Variants in KNG1 observed in about 807,000 individuals in gnomAD.
KNG1 encodes the protein kininogen 1.
A neutral mutation model predicts 47.8 loss-of-function variants in KNG1; 23 were observed. The ratio of observed to expected loss-of-function variants is 0.48; its 90% CI spans 0.35 to 0.68. The LOEUF (loss-of-function observed/expected upper bound fraction) is 0.68, where lower values mean the gene tolerates loss of function less well. Among genes scored for constraint, KNG1 ranks in the 30% least tolerant of loss-of-function variants. KNG1 has a pLI of 0.01. For synonymous variants in KNG1, 277 were observed against 277.0 expected (o/e 1.00, Z 0.00); for missense variants, 762 against 790.2 (o/e 0.96, Z 0.43).
chr3:186,727,047 T>TGA (rs1553791754), intron 4 of KNG1, among the ~76,000 whole-genome samples, 190 bp from the exon 5 acceptor site: 6 of 151,770 alleles, frequency 4.0e-5, no homozygotes, highest in African/African-American at 1.2e-4. Flanking sequence ...TGTGTTTGTG[T>TGA]GAGAGATATG....
At chr3:186,721,282 GTCA>G (rs1720190082) in intron 2 of KNG1, 3 of 152,250 alleles carry the variant, frequency 2.0e-5, no homozygotes, top group Admixed American at 2.0e-4. Context: ...TCCCTTCTCA[GTCA>G]TCTCATCTGT....
intron 7 of KNG1, among the ~76,000 whole-genome samples, chr3:186,734,369 T>C (rs1720616725): frequency 1.3e-5 from 2 of 152,192 alleles, no homozygotes; most frequent in Middle Eastern, 3.2e-3. Flanking sequence ...TGCGGAGCTC[T>C]TGATATGGGG....
At chr3:186,732,904 A>G (rs1720575435) in intron 7 of KNG1, among the ~76,000 whole-genome samples, 1 of 152,192 alleles carries the variant, frequency 6.6e-6, no homozygotes, top group African/African-American at 2.4e-5. Flanking sequence ...GTGAGGATCA[A>G]ATAAGTTAAT....
At position 186,739,364 on chromosome 3, in the gene KNG1, C is replaced by A. The variant is rs372500120; in HGVS notation, c.1075C>A (p.Pro359Thr). 11 of 1,613,762 alleles carry A rather than the reference C, an allele frequency of 6.8e-6. No homozygotes were observed. In the Admixed American group the frequency reaches 8.3e-5, roughly 12 times the overall value. Residue 359 changes from proline (P) to threonine (T), a missense_variant, in exon 9 of 10, where the codon CCC becomes ACC. Coordinates refer to ENST00000644859, the MANE Select transcript of KNG1 (RefSeq NM_001102416.3). ...LDCNAEVYVV[P>T]WEKKIYPTVN... ...TTGCAACGCTGAAGTTTATGTGGTA[C>A]CCTGGGAGAAAAAAATTTACCCTAC...
At chr3:186,727,036 GTGTGTT>G (rs1446793074) in intron 4 of KNG1, among the ~76,000 whole-genome samples, 195 bp from the exon 5 acceptor site, 3 of 151,472 alleles carry the variant, frequency 2.0e-5, no homozygotes, top group Admixed American at 6.6e-5. Context: ...GTGTGTGTGT[GTGTGTT>G]TGTGTGAGAG....
At position 186,741,887 on chromosome 3, in the gene KNG1, TA is replaced by T. The variant is rs797044429; in HGVS notation, c.1493del (p.Lys498SerfsTer54). 1.2e-6 allele frequency: 2 copies of T among 1,613,988 alleles called. No homozygotes were observed. Among genetic ancestry groups the T allele is most frequent in the Middle Eastern group, 3.3e-4 (2 of 6,062 alleles). On this transcript the variant is annotated frameshift_variant, in exon 10 of 10. Transcript: ENST00000644859. LOFTEE classifies it low-confidence loss of function (END_TRUNC). ...ATGTCCTTGACCATGGACATAAGCA[TA>T]AGCATGGTCATGGCCACGGAAAACA... ...GHVLDHGHKH[K>X]HGHGHGKHKN... is the part of the protein sequence containing the mutation.
In KNG1 at chr3:186,727,267, T is replaced by C. The variant is rs755959302; in HGVS notation, c.595T>C (p.Tyr199His). Reference sequence around the variant, plus strand: ...GGCTGGATTGAACTTTCGAATTACCTACTCAATTGTGCAAACGAATTGTTC... The same window carrying C: ...GGCTGGATTGAACTTTCGAATTACCCACTCAATTGTGCAAACGAATTGTTC... ...VVAGLNFRIT[Y>H]SIVQTNCSKE... Residue 199 changes from tyrosine (Y) to histidine (H), a missense_variant, in exon 5 of 10, where the codon TAC (tyrosine) becomes CAC (histidine). Coordinates refer to ENST00000644859, the MANE Select transcript of KNG1 (RefSeq NM_001102416.3). 3.1e-6 allele frequency: 5 copies of C among 1,613,484 alleles called. No homozygotes were observed. The African/African-American group carries it at 6.7e-5, about 22-fold the overall frequency.
At chr3:186,741,438 A>G (rs698078) in intron 9 of KNG1, 84 bp from the exon 10 acceptor site, 503,601 of 1,236,656 alleles carry the variant, frequency 0.41, 104,173 homozygotes, top group African/African-American at 0.52. Context: ...AACTAAGATA[A>G]CATTGCCAGA....
At chr3:186,718,983 T>C (rs1720107144) in intron 1 of KNG1, among the ~76,000 whole-genome samples, 2 of 149,534 alleles carry the variant, frequency 1.3e-5, no homozygotes, top group Non-Finnish European at 3.0e-5. Context: ...TGTCAAGCAA[T>C]TGGTTACTTT....
intron 7 of KNG1, among the ~76,000 whole-genome samples, chr3:186,735,321 A>G (rs1387040147): frequency 6.6e-6 from 1 of 152,070 alleles, no homozygotes; most frequent in Non-Finnish European, 1.5e-5. Context: ...CTGTCTCTAC[A>G]AAAAAAGAAT....
chr3:186,734,964 T>C (rs1366759838), intron 7 of KNG1: 1 of 152,216 alleles, frequency 6.6e-6, no homozygotes, highest in Non-Finnish European at 1.5e-5. Context: ...ACAAACTAGA[T>C]TAAAGTAAAT....
chr3:186,730,386 G>A (rs1042345258), intron 5 of KNG1, among the ~76,000 whole-genome samples: 5 of 151,572 alleles, frequency 3.3e-5, no homozygotes, highest in South Asian at 4.2e-4. Context: ...GATACTGGCC[G>A]GGCACGGTAG....
chr3:186,720,045 T>A, intron 1 of KNG1, 60 bp from the exon 2 acceptor site: 2 of 1,031,148 alleles, frequency 1.9e-6, no homozygotes, highest in Non-Finnish European at 3.1e-6. Context: ...CGGAACCCAC[T>A]AGAATTATTT....
chr3:186,741,544 C>T lies in KNG1; in HGVS notation c.1148C>T (p.Pro383Leu). 1 of 1,610,078 alleles carries T rather than the reference C, an allele frequency of 6.2e-7. No homozygotes were observed. The highest frequency in any genetic ancestry group is 8.5e-7 in the Non-Finnish European group (1 of 1,178,996). Reference protein sequence around the residue: ...LGMISLMKRPPGFSPFRSSRI... With the variant: ...LGMISLMKRPLGFSPFRSSRI... ...TAGATCTCACTGATGAAAAGGCCTC[C>T]AGGTTTTTCACCTTTCCGATCATCA... Residue 383 changes from proline (P) to leucine (L), a missense_variant, in exon 10 of 10, where the codon CCA becomes CTA. Coordinates refer to ENST00000644859, the MANE Select transcript of KNG1 (RefSeq NM_001102416.3).
At chr3:186,739,828 G>C (rs1463175100) in intron 9 of KNG1, among the ~76,000 whole-genome samples, 1 of 152,202 alleles carries the variant, frequency 6.6e-6, no homozygotes, top group East Asian at 1.9e-4. Flanking sequence ...GAAGCAGGCA[G>C]ATCACCTGAG....
chr3:186,736,036 C>G (rs1290903753), intron 7 of KNG1: 1 of 152,208 alleles, frequency 6.6e-6, no homozygotes, highest in Non-Finnish European at 1.5e-5. Context: ...CATTCTCAAG[C>G]ATGAATATCT....
chr3:186,738,866 A>T (rs1720732362), intron 7 of KNG1: 1 of 449,104 alleles, frequency 2.2e-6, no homozygotes, highest in Non-Finnish European at 4.0e-6. Context: ...AAATAAAGAA[A>T]ATTATAGCTT....
At chr3:186,730,451 C>G (rs1435024788) in intron 5 of KNG1, among the ~76,000 whole-genome samples, 1 of 151,202 alleles carries the variant, frequency 6.6e-6, no homozygotes, top group Non-Finnish European at 1.5e-5. Flanking sequence ...ATCAGGAGTT[C>G]GAGATCAGCC....
rs1400125865 is a variant in KNG1, at chr3:186,741,816, G to A, written c.1420G>A (p.Gly474Arg). 6.2e-7 allele frequency: 1 copy of A among 1,613,854 alleles called. No homozygotes were observed. The highest frequency in any genetic ancestry group is 1.6e-4 in the Middle Eastern group (1 of 6,062). Residue 474 changes from glycine (G) to arginine (R), a missense_variant, in exon 10 of 10, where the codon GGA becomes AGA. Gly to Arg is a moderately radical substitution (Grantham distance 125). Transcript: ENST00000644859. ...CGAACAACAGCATGGTCTTGGTCATGGACATAAGTTCAAACTTGATGATGA... is the reference window on the plus strand; with the variant it reads ...CGAACAACAGCATGGTCTTGGTCATAGACATAAGTTCAAACTTGATGATGA... The part of the protein sequence containing the change: ...GHEQQHGLGH[G>R]HKFKLDDDLE...
Sources: allele counts gnomAD v4.1 joint callset (sites outside exome capture counted in the v4.1 genomes callset), GRCh38; gene constraint gnomAD v4.1.1; transcripts MANE v1.5; gene names NCBI Gene and HGNC (gene_info 2026-07-23, HGNC 2026-07-21).